Variants in GRID1 observed in about 807,000 individuals in gnomAD.
GRID1 encodes glutamate receptor ionotropic, delta-1.
GRID1 carries 28 observed loss-of-function variants against 98.0 expected under a neutral mutation model. The observed-to-expected ratio is 0.29, with a 90% CI of 0.21 to 0.39. The LOEUF is 0.39. Ranked by LOEUF, GRID1 falls within the 10% of genes least tolerant of loss-of-function variation. The pLI is 1.00. For missense variants in GRID1, 1,111 were observed against 1,340.5 expected, an observed-to-expected ratio of 0.83 and a Z score of 2.67; for synonymous variants, 553 against 538.5, an observed-to-expected ratio of 1.03 and a Z score of -0.37.
At chr10:85,688,822 C>T (rs1841299186) in intron 12 of GRID1, among the ~76,000 whole-genome samples, 1 of 152,146 alleles carries the variant, frequency 6.6e-6, no homozygotes. Context: ...CAGGACCCCA[C>T]ATGTCACACC....
chr10:85,639,507 A>G (rs1843089201), intron 13 of GRID1, among the ~76,000 whole-genome samples: 1 of 152,234 alleles, frequency 6.6e-6, no homozygotes, highest in Admixed American at 6.5e-5. Context: ...AATTGCATAA[A>G]TTGTCTAAAC....
intron 4 of GRID1, among the ~76,000 whole-genome samples, chr10:86,113,485 G>A (rs535177272): frequency 7.2e-5 from 11 of 152,234 alleles, no homozygotes; most frequent in Non-Finnish European, 1.0e-4. Context: ...AAGTCAGAGT[G>A]GTCACATAGC....
intron 2 of GRID1, among the ~76,000 whole-genome samples, chr10:86,348,897 G>A (rs1362431591): frequency 6.6e-6 from 1 of 152,258 alleles, no homozygotes; most frequent in Admixed American, 6.5e-5. Flanking sequence ...ACTCATGCAG[G>A]CTTCTCCTAA....
chr10:85,724,803 C>A (rs1376507796), intron 10 of GRID1, 127 bp from the exon 11 acceptor site: 4 of 648,050 alleles, frequency 6.2e-6, no homozygotes, highest in Non-Finnish European at 1.0e-5. Context: ...AGAGCTGGCA[C>A]CCTGAGAGTC....
intron 8 of GRID1, among the ~76,000 whole-genome samples, chr10:85,748,229 A>T (rs1355745070): frequency 1.3e-5 from 2 of 152,198 alleles, no homozygotes; most frequent in Non-Finnish European, 2.9e-5. Context: ...ATGGAGTAGA[A>T]CATTCACATA....
intron 12 of GRID1, among the ~76,000 whole-genome samples, chr10:85,691,499 ATTTGTG>A (rs1841331861): frequency 6.6e-6 from 1 of 152,056 alleles, no homozygotes; most frequent in Non-Finnish European, 1.5e-5. Context: ...CACTGAGATA[ATTTGTG>A]ATTAGACCAC....
intron 4 of GRID1, among the ~76,000 whole-genome samples, chr10:85,992,470 G>C (rs1289816084): frequency 6.6e-6 from 1 of 152,042 alleles, no homozygotes; most frequent in Non-Finnish European, 1.5e-5. Context: ...TGAAGATAAG[G>C]GTTTTGTGAA....
rs187673647 is a variant in GRID1 at position 85,680,705 on chromosome 10, A to G, written c.1998-33308T>C. ...TGTTTATCACAGTACTACTCACAATAGCAAAGATACGGAACCAATCTAAAT... is the reference window on the plus strand; with the variant it reads ...TGTTTATCACAGTACTACTCACAATGGCAAAGATACGGAACCAATCTAAAT... On this transcript the variant is annotated intron_variant, in intron 12 of 15. Coordinates refer to ENST00000327946, the MANE Select transcript of GRID1 (RefSeq NM_017551.3). Among the ~76,000 whole-genome samples, 396 of 152,364 alleles carry G rather than the reference A, an allele frequency of 2.6e-3. 2 individuals are homozygous for G. Among genetic ancestry groups the G allele is most frequent in the Non-Finnish European group, 4.6e-3 (310 of 68,024 alleles).
chr10:86,013,455 A>T (rs1798390258), intron 4 of GRID1, among the ~76,000 whole-genome samples: 1 of 152,254 alleles, frequency 6.6e-6, no homozygotes, highest in Non-Finnish European at 1.5e-5. Flanking sequence ...AACTTAATCA[A>T]GTGGTGACTC....
intron 3 of GRID1, among the ~76,000 whole-genome samples, chr10:86,198,314 A>G (rs1845904163): frequency 6.6e-6 from 1 of 152,094 alleles, no homozygotes; most frequent in Non-Finnish European, 1.5e-5. Context: ...TGTAACCTGC[A>G]GGTGAAAGAG....
At chr10:85,725,212 T>C (rs897232140) in intron 10 of GRID1, among the ~76,000 whole-genome samples, 1 of 152,226 alleles carries the variant, frequency 6.6e-6, no homozygotes, top group Non-Finnish European at 1.5e-5. Flanking sequence ...TTAGACCTCA[T>C]TAACATATTA....
At chr10:86,026,713 C>A (rs1320772797) in intron 4 of GRID1, among the ~76,000 whole-genome samples, 1 of 152,216 alleles carries the variant, frequency 6.6e-6, no homozygotes, top group Non-Finnish European at 1.5e-5. Flanking sequence ...AGAAGCAACC[C>A]AGACCTACCC....
intron 12 of GRID1, among the ~76,000 whole-genome samples, chr10:85,711,295 T>C (rs1564567153): frequency 6.6e-6 from 1 of 151,902 alleles, no homozygotes; most frequent in East Asian, 1.9e-4. Context: ...TATTCAGCCT[T>C]AAAAAGGAAG....
chr10:86,177,949 C>T (rs542295081), intron 3 of GRID1, among the ~76,000 whole-genome samples: 9 of 152,106 alleles, frequency 5.9e-5, no homozygotes, highest in Non-Finnish European at 1.2e-4. Context: ...GATCCCAGTC[C>T]ACCACCGTGA....
intron 2 of GRID1, among the ~76,000 whole-genome samples, chr10:86,230,086 C>T (rs1902683): frequency 0.15 from 23,001 of 152,182 alleles, 2,204 homozygotes; most frequent in East Asian, 0.45. Context: ...GCAGCAGCTC[C>T]TCCTCCCGGC....
chr10:86,034,158 T>C (rs963750092), intron 4 of GRID1, among the ~76,000 whole-genome samples: 5 of 152,224 alleles, frequency 3.3e-5, no homozygotes, highest in African/African-American at 1.2e-4. Flanking sequence ...TGTGCTAACG[T>C]AGCTAATGGC....
chr10:85,977,984 G>A (rs972724204), intron 4 of GRID1, among the ~76,000 whole-genome samples: 1 of 152,142 alleles, frequency 6.6e-6, no homozygotes, highest in Non-Finnish European at 1.5e-5. Flanking sequence ...AGAGTGCCGA[G>A]GTCAATTGGG....
Position 85,972,210 on chromosome 10 carries a change from T to C in GRID1, c.727-55971A>G, listed in dbSNP as rs574678198. Among the ~76,000 whole-genome samples the C allele has an allele frequency of 5.3e-5, 8 of 151,720 alleles. No individual in the cohort carries two copies. The East Asian group carries it at 1.4e-3, about 26-fold the overall frequency. The stretch of plus-strand genomic sequence containing the variant: ...TTTGATGGCTCATAGTGAGCTTGAA[T>C]ACAACTCACATTCCTAAGTCTCTTT... On this transcript the variant is annotated intron_variant, in intron 4 of 15. Transcript: ENST00000327946.
intron 8 of GRID1, among the ~76,000 whole-genome samples, chr10:85,836,776 T>C (rs1477089296): frequency 6.6e-6 from 1 of 151,956 alleles, no homozygotes; most frequent in Non-Finnish European, 1.5e-5. Context: ...ACAGGACTGG[T>C]CCAACCTGAG....
Sources: gnomAD v4.1 joint callset for allele counts (sites outside exome capture counted in the v4.1 genomes callset) on GRCh38, gnomAD v4.1.1 for gene constraint, MANE v1.5 for transcripts, NCBI Gene and HGNC (gene_info 2026-07-23, HGNC 2026-07-21) for gene names.